INSL6: variants seen among roughly 807,000 people sequenced by gnomAD.
INSL6 encodes insulin-like peptide INSL6.
In INSL6, 16 loss-of-function variants were observed where a neutral mutation model predicts 9.4. The observed-to-expected ratio is 1.70, with a 90% CI of 1.15 to 2.59. The LOEUF is 2.59. Among genes scored for constraint, INSL6 ranks in the 30% most tolerant of loss-of-function variants. The pLI is 0.00. For synonymous variants in INSL6, 154 were observed against 96.9 expected (o/e 1.59, Z -3.46); for missense variants, 391 against 257.3 (o/e 1.52, Z -3.56).
At chr9:5,089,736 G>A in the INSL6 span, 5 of 1,581,286 alleles carry the variant, frequency 3.2e-6, no homozygotes, top group African/African-American at 4.1e-5. Context: ...CTGGGGAGGT[G>A]GTCGCTGTAA....
intron 2 of INSL6, among the ~76,000 whole-genome samples, chr9:5,157,772 C>A (rs1176105874): frequency 6.6e-6 from 1 of 152,122 alleles, no homozygotes; most frequent in Non-Finnish European, 1.5e-5. Flanking sequence ...ATACCTCACT[C>A]TTGAATGCTC....
At chr9:5,054,963 G>C in the INSL6 span, 1 of 1,076,192 alleles carries the variant, frequency 9.3e-7, no homozygotes, top group African/African-American at 1.6e-5. The surrounding 1 kb of genome is among the most constrained non-coding windows in gnomAD (Gnocchi z 4.9). Flanking sequence ...TTAATCATTT[G>C]CAACATGGTA....
chr9:5,069,035 T>C, the INSL6 span: 3 of 1,579,990 alleles, frequency 1.9e-6, no homozygotes, highest in Non-Finnish European at 2.6e-6. Flanking sequence ...GAAAATGTCA[T>C]TGAATATAAA....
At chr9:5,165,861 T>A (rs1051386490) in intron 1 of INSL6, among the ~76,000 whole-genome samples, 2 of 152,190 alleles carry the variant, frequency 1.3e-5, no homozygotes, top group Non-Finnish European at 2.9e-5. Context: ...TAGGAGGATA[T>A]ATTTGCCAAT....
chr9:5,074,296 T>C, the INSL6 span, among the ~76,000 whole-genome samples: 1 of 152,160 alleles, frequency 6.6e-6, no homozygotes, highest in African/African-American at 2.4e-5. Flanking sequence ...GCATGCCTCA[T>C]TTTATTGCAC....
At chr9:5,037,896 C>T in the INSL6 span, among the ~76,000 whole-genome samples, 1 of 151,962 alleles carries the variant, frequency 6.6e-6, no homozygotes, top group Non-Finnish European at 1.5e-5. Context: ...ATAGTTTCAA[C>T]AAATCAAATA....
the INSL6 span, chr9:5,111,374 C>A: frequency 5.0e-6 from 2 of 402,802 alleles, no homozygotes; most frequent in Non-Finnish European, 9.6e-6. Context: ...CCTACGCCAG[C>A]AGCTCTGGCG....
At chr9:5,065,797 A>G in the INSL6 span, among the ~76,000 whole-genome samples, 1 of 152,176 alleles carries the variant, frequency 6.6e-6, no homozygotes, top group African/African-American at 2.4e-5. Context: ...GAGCAAAGGG[A>G]AAATCTGGGA....
At chr9:5,101,945 G>A in the INSL6 span, among the ~76,000 whole-genome samples, 1 of 152,214 alleles carries the variant, frequency 6.6e-6, no homozygotes, top group Non-Finnish European at 1.5e-5. Flanking sequence ...AAGATGGGGA[G>A]AAACCAGAGC....
chr9:5,159,724 CA>C (rs1824884614), downstream of INSL6, among the ~76,000 whole-genome samples: 1 of 152,256 alleles, frequency 6.6e-6, no homozygotes, highest in African/African-American at 2.4e-5. Context: ...CTGCTTTCAG[CA>C]CTGAACAGAT....
chr9:5,006,375 T>C, the INSL6 span, among the ~76,000 whole-genome samples: 1 of 152,208 alleles, frequency 6.6e-6, no homozygotes, highest in Non-Finnish European at 1.5e-5. Context: ...GCTTATCAGC[T>C]TAAGGAGATT....
the INSL6 span, among the ~76,000 whole-genome samples, chr9:5,081,313 A>T: frequency 6.6e-6 from 1 of 151,572 alleles, no homozygotes; most frequent in Non-Finnish European, 1.5e-5. Flanking sequence ...AACATTTCTC[A>T]TATTTTATAA....
chr9:5,185,507 C>A lies in INSL6; in HGVS notation c.96G>T (p.Leu32=). The A allele has an allele frequency of 6.2e-7, 1 of 1,614,222 alleles. No individual in the cohort carries two copies. The highest frequency in any genetic ancestry group is 8.5e-7 in the Non-Finnish European group (1 of 1,180,042). The change falls in exon 1 of 2, where the codon CTG becomes CTT. Residue 32 remains leucine (L), a synonymous_variant. Coordinates refer to ENST00000381641, the MANE Select transcript of INSL6 (RefSeq NM_007179.3). ...TTTCTTTCACCAAGTACCTGCCGCA[C>A]AGCTTCCTGGCACTGCTGATGTCGC... is the stretch of plus-strand genomic sequence containing the variant. ...ELSDISSARK[L]CGRYLVKEIE... is the part of the protein sequence containing the mutation.
the INSL6 span, chr9:5,085,237 G>A: frequency 3.0e-6 from 2 of 671,972 alleles, no homozygotes; most frequent in South Asian, 1.4e-5. Context: ...AAATAGGACA[G>A]GACCAGTGGC....
chr9:4,997,742 A>G, the INSL6 span, among the ~76,000 whole-genome samples: 2 of 152,202 alleles, frequency 1.3e-5, no homozygotes, highest in African/African-American at 4.8e-5. Flanking sequence ...TTAGGAGTGG[A>G]TTTTAGGACT....
At chr9:5,169,310 A>T (rs1825128800) in intron 1 of INSL6, among the ~76,000 whole-genome samples, 1 of 152,222 alleles carries the variant, frequency 6.6e-6, no homozygotes, top group East Asian at 1.9e-4. Flanking sequence ...AGGATTTTCC[A>T]AACAAGCAAA....
the INSL6 span, among the ~76,000 whole-genome samples, chr9:5,078,002 G>A: frequency 2.0e-5 from 3 of 152,304 alleles, no homozygotes; most frequent in East Asian, 5.8e-4. Context: ...CAGAACTGAA[G>A]TAGTATTTCT....
At chr9:5,111,301 C>T in the INSL6 span, 1 of 468,508 alleles carries the variant, frequency 2.1e-6, no homozygotes, top group Non-Finnish European at 4.1e-6. Context: ...GGCAAGCTGG[C>T]CCTCAGCAGC....
At position 5,175,774 on chromosome 9, in the gene INSL6, A is replaced by G. The variant is rs28614029; in HGVS notation, c.289+9540T>C. Among the ~76,000 whole-genome samples, 255 of 152,226 alleles carry G rather than the reference A, an allele frequency of 1.7e-3. 1 individual carries two copies. Among genetic ancestry groups the G allele is most frequent in the African/African-American group, 5.9e-3 (244 of 41,510 alleles). On this transcript the variant is annotated intron_variant, in intron 1 of 1. Coordinates refer to ENST00000381641, the MANE Select transcript of INSL6 (RefSeq NM_007179.3). ...GGTTGCACGCTCCTTATGAGAATCTAATGCCTGATTATCTATCACTGTCTC... is the reference window on the plus strand; with the variant it reads ...GGTTGCACGCTCCTTATGAGAATCTGATGCCTGATTATCTATCACTGTCTC...
Sources: gnomAD v4.1 joint callset for allele counts (sites outside exome capture counted in the v4.1 genomes callset) on GRCh38, gnomAD v4.1.1 for gene constraint, Gnocchi (gnomAD v3.1) non-coding constraint, MANE v1.5 for transcripts, NCBI Gene and HGNC (gene_info 2026-07-23, HGNC 2026-07-21) for gene names.